CCDC7: variants seen among roughly 807,000 people sequenced by gnomAD.
CCDC7 encodes the protein coiled-coil domain containing 7, also known as coiled-coil domain-containing protein 7.
CCDC7 carries 183 observed loss-of-function variants against 196.9 expected under a neutral mutation model. The ratio of observed to expected loss-of-function variants is 0.93; its 90% confidence interval spans 0.82 to 1.05. The LOEUF (loss-of-function observed/expected upper bound fraction) is 1.05, where lower values mean the gene tolerates loss of function less well. CCDC7 is among the 50% of genes least tolerant of loss of function. The pLI is 0.00. For missense variants in CCDC7, 1,540 were observed against 1,482.2 expected, an observed-to-expected ratio of 1.04 and a Z score of -0.64; for synonymous variants, 525 against 484.6, an observed-to-expected ratio of 1.08 and a Z score of -1.10.
chr10:32,845,915 G>A (rs2093270039), exon 36 of CCDC7: 2 of 1,612,278 alleles, frequency 1.2e-6, no homozygotes, highest in Non-Finnish European at 1.7e-6. Flanking sequence ...ATTGGAAGAG[G>A]TATAATAATA....
intron 28 of CCDC7, among the ~76,000 whole-genome samples, chr10:32,760,814 G>A (rs577604114): frequency 1.3e-5 from 2 of 151,446 alleles, no homozygotes; most frequent in East Asian, 3.9e-4. Flanking sequence ...GCTCCGGAAG[G>A]TTCAAAATAA....
intron 38 of CCDC7, 32 bp downstream of exon 39, chr10:32,847,948 C>A (rs1196850037): frequency 2.2e-6 from 3 of 1,343,042 alleles, no homozygotes; most frequent in Non-Finnish European, 3.2e-6. Flanking sequence ...CTAATATTTA[C>A]AGTTTATCTT....
intron 9 of CCDC7, among the ~76,000 whole-genome samples, chr10:32,496,536 A>G (rs1411254343): frequency 6.6e-6 from 1 of 152,176 alleles, no homozygotes; most frequent in Non-Finnish European, 1.5e-5. Context: ...TTTGTCATAA[A>G]TAGCTCTTAT....
chr10:32,531,557 A>C (rs1021913679), intron 11 of CCDC7, among the ~76,000 whole-genome samples: 11 of 152,122 alleles, frequency 7.2e-5, no homozygotes, highest in Non-Finnish European at 1.0e-4. Context: ...ATATCAAGGT[A>C]ATGCTGGCCT....
intron 28 of CCDC7, among the ~76,000 whole-genome samples, chr10:32,773,540 T>C (rs938500033): frequency 1.3e-5 from 2 of 152,144 alleles, no homozygotes; most frequent in African/African-American, 4.8e-5. Flanking sequence ...TTCTATTTCT[T>C]GGTTAAATTT....
At chr10:32,695,113 G>A (rs1305155795) in intron 24 of CCDC7, 121 bp downstream of exon 25, 6 of 440,744 alleles carry the variant, frequency 1.4e-5, no homozygotes, top group Non-Finnish European at 2.4e-5. Flanking sequence ...ACTTTACAGT[G>A]TGAATACCTT....
chr10:32,541,557 A>G (rs1426820005), intron 11 of CCDC7, among the ~76,000 whole-genome samples: 2 of 152,230 alleles, frequency 1.3e-5, no homozygotes, highest in African/African-American at 2.4e-5. Context: ...GTTCGGCCCA[A>G]AGTGGGCCTG....
exon 28 of CCDC7, chr10:32,729,375 T>A (rs2083575711): frequency 2.6e-6 from 4 of 1,553,960 alleles, no homozygotes; most frequent in Non-Finnish European, 3.5e-6. Flanking sequence ...CACTTGAACA[T>A]CTGTTGCCTG....
At chr10:32,717,545 G>T (rs1295510753) in intron 25 of CCDC7, among the ~76,000 whole-genome samples, 3 of 152,034 alleles carry the variant, frequency 2.0e-5, no homozygotes, top group Admixed American at 1.3e-4. Flanking sequence ...AACTGAAGGA[G>T]AGAGAGACAC....
intron 21 of CCDC7, among the ~76,000 whole-genome samples, chr10:32,679,668 T>A (rs572996840): frequency 6.6e-4 from 101 of 152,288 alleles, no homozygotes; most frequent in African/African-American, 2.3e-3. Flanking sequence ...TACTTTGTAA[T>A]AATGCTTTAG....
chr10:32,804,946 CA>C (rs2085515221), intron 29 of CCDC7, 68 bp from the exon 31 acceptor site: 2 of 918,166 alleles, frequency 2.2e-6, no homozygotes, highest in Admixed American at 1.9e-5. Context: ...CACACACACA[CA>C]CACACCCCTC....
At chr10:32,695,028 A>G in intron 24 of CCDC7, 36 bp downstream of exon 25, 1 of 1,134,488 alleles carries the variant, frequency 8.8e-7, no homozygotes, top group Non-Finnish European at 1.2e-6. Context: ...TAAAAATTTT[A>G]AAGTTAATCT....
intron 25 of CCDC7, among the ~76,000 whole-genome samples, chr10:32,726,305 T>C (rs2083114642): frequency 6.6e-6 from 1 of 151,974 alleles, no homozygotes; most frequent in Non-Finnish European, 1.5e-5. Flanking sequence ...TATCATATCA[T>C]AATTTATAGT....
At chr10:32,557,611 C>G (rs534346149) in intron 13 of CCDC7, among the ~76,000 whole-genome samples, 1 of 152,278 alleles carries the variant, frequency 6.6e-6, no homozygotes, top group East Asian at 1.9e-4. Flanking sequence ...CCACTGTCAT[C>G]AGATCCCATC....
chr10:32,808,283 C>T (rs2086287689), intron 30 of CCDC7, among the ~76,000 whole-genome samples: 1 of 152,126 alleles, frequency 6.6e-6, no homozygotes. Flanking sequence ...TTACCTTGCC[C>T]CATCAGTTGC....
At chr10:32,756,544 G>A (rs2076480212) in intron 28 of CCDC7, among the ~76,000 whole-genome samples, 1 of 152,114 alleles carries the variant, frequency 6.6e-6, no homozygotes, top group African/African-American at 2.4e-5. Context: ...TTACAGACAA[G>A]CAAATGCTGA....
intron 41 of CCDC7, among the ~76,000 whole-genome samples, chr10:32,871,582 T>A (rs1221244673): frequency 6.6e-6 from 1 of 151,628 alleles, no homozygotes. Flanking sequence ...TTGAAGGGTT[T>A]TTTGTGTCTC....
chr10:32,642,300 A>C (rs1032112569), intron 20 of CCDC7, among the ~76,000 whole-genome samples: 1 of 152,208 alleles, frequency 6.6e-6, no homozygotes, highest in Non-Finnish European at 1.5e-5. Flanking sequence ...GGCTCCACCC[A>C]GTTTGAGTTT....
At chr10:32,492,544 T>G (rs1293613963) in intron 9 of CCDC7, among the ~76,000 whole-genome samples, 1 of 150,258 alleles carries the variant, frequency 6.7e-6, no homozygotes, top group Non-Finnish European at 1.5e-5. Context: ...ACAACATGGA[T>G]GAACCCTGAG....
Sources: gnomAD v4.1 joint callset for allele counts (sites outside exome capture counted in the v4.1 genomes callset) on GRCh38, gnomAD v4.1.1 for gene constraint, MANE v1.5 for transcripts, NCBI Gene and HGNC (gene_info 2026-07-23, HGNC 2026-07-21) for gene names.